Variants in CACNB2 observed in about 807,000 individuals in gnomAD.
CACNB2 encodes calcium voltage-gated channel auxiliary subunit beta 2.
CACNB2 carries 42 observed loss-of-function variants against 73.3 expected under a neutral mutation model. The ratio of observed to expected loss-of-function variants is 0.57; its 90% CI spans 0.45 to 0.74. The LOEUF (loss-of-function observed/expected upper bound fraction) is 0.74, where lower values mean the gene tolerates loss of function less well. CACNB2 is among the 30% of genes least tolerant of loss of function. CACNB2 has a pLI of 0.00. For missense variants in CACNB2, 940 were observed against 853.0 expected, an observed-to-expected ratio of 1.10 and a Z score of -1.27; for synonymous variants, 348 against 310.3, an observed-to-expected ratio of 1.12 and a Z score of -1.28.
intron 2 of CACNB2, among the ~76,000 whole-genome samples, chr10:18,323,360 A>G (rs981355921): frequency 2.6e-5 from 4 of 151,564 alleles, no homozygotes; most frequent in African/African-American, 9.7e-5. Context: ...ATGCAATCAT[A>G]TTCTAAGTAT....
In CACNB2 at chr10:18,141,148, C is replaced by T. The variant is rs765609547; in HGVS notation, c.120+292C>T. The T allele has an allele frequency of 3.2e-6, 5 of 1,550,402 alleles. No individual in the cohort carries two copies. The South Asian group carries it at 4.8e-5, about 15-fold the overall frequency. Reference sequence around the variant, plus strand: ...CCGGGTTGCTCCAGCTGGCCCTCCTCGCCCCTTCCCGGGAGAGGCACATGG... The same window carrying T: ...CCGGGTTGCTCCAGCTGGCCCTCCTTGCCCCTTCCCGGGAGAGGCACATGG... On this transcript the variant is annotated intron_variant, in intron 1 of 13. Coordinates refer to ENST00000324631, the MANE Select transcript of CACNB2 (RefSeq NM_201596.3).
chr10:18,310,199 A>G (rs1013671660), intron 2 of CACNB2, among the ~76,000 whole-genome samples: 5 of 152,140 alleles, frequency 3.3e-5, no homozygotes, highest in Admixed American at 6.5e-5. Flanking sequence ...GTCAATTAAG[A>G]TTGGGTTTCG....
intron 1 of CACNB2, 28 bp from the exon 2 acceptor site, chr10:18,150,855 C>CTTTGTTTTTTTTTTTTTTTTT (rs2031466179): frequency 2.3e-6 from 1 of 429,512 alleles, no homozygotes; most frequent in East Asian, 6.8e-5. Flanking sequence ...TCTTATTTGT[C>CTTTGTTTTTTTTTTTTTTTTT]TTTTTTTTTT....
At position 18,538,382 on chromosome 10, in the gene CACNB2, TA is replaced by T; in HGVS notation, c.1488+18del. On this transcript the variant is annotated intron_variant, in intron 13 of 13. Transcript: ENST00000324631. ...AATTCACAGGTAAGGGGAGTTTTTA[TA>T]TATATCTATATATACAATCTTCATA... is the stretch of plus-strand genomic sequence containing the variant. 6.2e-7 allele frequency: 1 copy of T among 1,605,240 alleles called. No homozygotes were observed. The highest frequency in any genetic ancestry group is 8.5e-7 in the Non-Finnish European group (1 of 1,172,074).
At chr10:18,260,505 T>TGA in intron 2 of CACNB2, 3 of 985,492 alleles carry the variant, frequency 3.0e-6, no homozygotes, top group Non-Finnish European at 3.6e-6. Context: ...CTGAGGCCAC[T>TGA]CTGGCGATCC....
In CACNB2 at chr10:18,214,951, T is replaced by A. The variant is rs551903996; in HGVS notation, c.213+63976T>A. On this transcript the variant is annotated intron_variant, in intron 2 of 13. Coordinates refer to ENST00000324631, the MANE Select transcript of CACNB2 (RefSeq NM_201596.3). The stretch of plus-strand genomic sequence containing the variant: ...GTCATAGAAGGAAGGTAGAATGTAA[T>A]GCTTATGCTCACGATAAGAGTAATA... Among the ~76,000 whole-genome samples, 4 of 152,342 alleles carry A rather than the reference T, an allele frequency of 2.6e-5. No individual in the cohort carries two copies. In the South Asian group the frequency reaches 6.2e-4, roughly 24 times the overall value.
At chr10:18,244,342 ACAT>A (rs1258389644) in intron 2 of CACNB2, among the ~76,000 whole-genome samples, 1 of 152,212 alleles carries the variant, frequency 6.6e-6, no homozygotes. Flanking sequence ...ACCTTTAAAA[ACAT>A]CATTTAAAAA....
chr10:18,203,091 T>C lies in CACNB2; in HGVS notation c.213+52116T>C, dbSNP rs1379287040. On this transcript the variant is annotated intron_variant, in intron 2 of 13. Coordinates refer to ENST00000324631, the MANE Select transcript of CACNB2 (RefSeq NM_201596.3). ...TCTGAAGCAGGTTTCTGCAATATTC[T>C]GCAGTACCTCATGGGTACAAAAGAG... Among the ~76,000 whole-genome samples, 4 of 152,336 alleles carry C rather than the reference T, an allele frequency of 2.6e-5. No homozygotes were observed. In the East Asian group the frequency reaches 5.8e-4, roughly 22 times the overall value.
intron 3 of CACNB2, among the ~76,000 whole-genome samples, chr10:18,473,974 T>C (rs1286249651): frequency 2.6e-5 from 4 of 152,176 alleles, no homozygotes; most frequent in Non-Finnish European, 5.9e-5. Flanking sequence ...ACAAAATTGC[T>C]GGGCTTCCGT....
chr10:18,166,843 A>G (rs2032891865), intron 2 of CACNB2, among the ~76,000 whole-genome samples: 1 of 152,224 alleles, frequency 6.6e-6, no homozygotes, highest in Non-Finnish European at 1.5e-5. Context: ...ATGTATACAT[A>G]TGTAACAATC....
At chr10:18,311,109 G>C (rs1041518107) in intron 2 of CACNB2, among the ~76,000 whole-genome samples, 1 of 151,976 alleles carries the variant, frequency 6.6e-6, no homozygotes, top group African/African-American at 2.4e-5. Flanking sequence ...TGGATTTTCT[G>C]CTTGTTTAAG....
At chr10:18,190,708 C>T (rs748153536) in intron 2 of CACNB2, among the ~76,000 whole-genome samples, 11 of 152,044 alleles carry the variant, frequency 7.2e-5, no homozygotes, top group Admixed American at 3.9e-4. Context: ...GGAATTTGAT[C>T]GAATTTATTC....
chr10:18,264,039 T>A (rs1024197001), intron 2 of CACNB2, among the ~76,000 whole-genome samples: 6 of 152,256 alleles, frequency 3.9e-5, no homozygotes, highest in Non-Finnish European at 8.8e-5. Context: ...GTGAGCTGAA[T>A]AAATACTCTT....
At chr10:18,355,090 C>T (rs1472175507) in intron 2 of CACNB2, among the ~76,000 whole-genome samples, 1 of 152,112 alleles carries the variant, frequency 6.6e-6, no homozygotes, top group Non-Finnish European at 1.5e-5. Flanking sequence ...GACTTGAGTT[C>T]CATCCCCAAT....
intron 3 of CACNB2, among the ~76,000 whole-genome samples, chr10:18,424,438 C>T (rs924581070): frequency 3.3e-5 from 5 of 152,030 alleles, no homozygotes; most frequent in Non-Finnish European, 5.9e-5. Context: ...GGTGTGGTAA[C>T]GCCTGGGTGT....
chr10:18,241,815 A>G (rs1003082416), intron 2 of CACNB2, among the ~76,000 whole-genome samples: 1 of 152,074 alleles, frequency 6.6e-6, no homozygotes, highest in African/African-American at 2.4e-5. Flanking sequence ...AGCCAGAGAA[A>G]TGACTTCTGG....
intron 2 of CACNB2, among the ~76,000 whole-genome samples, chr10:18,226,859 C>G (rs57748809): frequency 0.13 from 19,482 of 152,080 alleles, 2,044 homozygotes; most frequent in African/African-American, 0.29. Flanking sequence ...TTTTGCCACA[C>G]TGTACAGGTC....
At chr10:18,238,346 C>T (rs573505258) in intron 2 of CACNB2, 1 of 152,294 alleles carries the variant, frequency 6.6e-6, no homozygotes, top group East Asian at 1.9e-4. Context: ...TTGCCTTACT[C>T]GCGTGCCCTG....
chr10:18,191,340 G>GC (rs1271912762), intron 2 of CACNB2, among the ~76,000 whole-genome samples: 7 of 152,170 alleles, frequency 4.6e-5, no homozygotes, highest in African/African-American at 1.2e-4. Context: ...GACACCAGCT[G>GC]CCCCCCGTGT....
Sources: gnomAD v4.1 joint callset for allele counts (sites outside exome capture counted in the v4.1 genomes callset) on GRCh38, gnomAD v4.1.1 for gene constraint, MANE v1.5 for transcripts, NCBI Gene and HGNC (gene_info 2026-07-23, HGNC 2026-07-21) for gene names.